The following KLF12 variants were observed in gnomAD, a reference collection of about 807,000 sequenced individuals.
KLF12 encodes KLF transcription factor 12.
KLF12 carries 9 observed loss-of-function variants against 37.8 expected under a neutral mutation model. The ratio of observed to expected loss-of-function variants is 0.24; its 90% confidence interval spans 0.14 to 0.42. The LOEUF (loss-of-function observed/expected upper bound fraction) is 0.42. KLF12 is among the 10% of genes least tolerant of loss of function. The pLI is 1.00. For synonymous variants in KLF12, 208 were observed against 202.1 expected, an observed-to-expected ratio of 1.03 and a Z score of -0.25; for missense variants, 411 against 516.0, an observed-to-expected ratio of 0.80 and a Z score of 1.97.
chr13:73,829,307 C>A (rs543756610), intron 4 of KLF12, among the ~76,000 whole-genome samples: 1 of 152,006 alleles, frequency 6.6e-6, no homozygotes. Context: ...ATCTGGCAGG[C>A]CAAATTTTAT....
chr13:73,742,256 C>T (rs1878054485), intron 6 of KLF12, among the ~76,000 whole-genome samples: 1 of 152,132 alleles, frequency 6.6e-6, no homozygotes, highest in African/African-American at 2.4e-5. Flanking sequence ...GTAGAACATA[C>T]ACTTTTTTTT....
At chr13:73,839,268 T>G (rs1021995492) in intron 4 of KLF12, among the ~76,000 whole-genome samples, 1 of 150,314 alleles carries the variant, frequency 6.7e-6, no homozygotes, top group Non-Finnish European at 1.5e-5. Context: ...ATTTTTTTTT[T>G]TTTTTTGTAT....
intron 3 of KLF12, among the ~76,000 whole-genome samples, chr13:73,917,082 C>G (rs760721988): frequency 6.6e-6 from 1 of 152,154 alleles, no homozygotes; most frequent in Non-Finnish European, 1.5e-5. Context: ...CAAATTTGGA[C>G]GAGCATCACC....
chr13:73,895,586 C>T (rs1887725351), intron 3 of KLF12, among the ~76,000 whole-genome samples: 1 of 152,084 alleles, frequency 6.6e-6, no homozygotes, highest in Admixed American at 6.6e-5. Context: ...ACAAGGGTTA[C>T]AGGGTGAATT....
At chr13:73,795,395 T>G (rs1354668344) in intron 5 of KLF12, among the ~76,000 whole-genome samples, 1 of 152,220 alleles carries the variant, frequency 6.6e-6, no homozygotes, top group African/African-American at 2.4e-5. Context: ...TCTACCTGTC[T>G]CCTCCACAAA....
At chr13:74,060,109 T>C (rs763666640) in intron 1 of KLF12, among the ~76,000 whole-genome samples, 8 of 152,184 alleles carry the variant, frequency 5.3e-5, no homozygotes, top group Admixed American at 1.3e-4. Context: ...TTTTTCTCTA[T>C]TGATCTATGC....
chr13:73,894,311 A>G (rs1887654092), intron 3 of KLF12, among the ~76,000 whole-genome samples: 1 of 152,232 alleles, frequency 6.6e-6, no homozygotes, highest in Non-Finnish European at 1.5e-5. Context: ...GTATATGGGT[A>G]CATATACTTG....
the KLF12 span, among the ~76,000 whole-genome samples, chr13:74,162,663 C>T: frequency 6.6e-6 from 1 of 152,212 alleles, no homozygotes. Context: ...TCTTCCACCT[C>T]CTCAGCATGT....
chr13:73,719,277 A>G (rs1535803), intron 6 of KLF12, among the ~76,000 whole-genome samples: 9,078 of 152,228 alleles, frequency 0.06, 300 homozygotes, highest in South Asian at 0.17. Flanking sequence ...TCCCCAGCAT[A>G]TATCCACAGT....
intron 6 of KLF12, among the ~76,000 whole-genome samples, chr13:73,738,136 C>CACAT (rs1467659490): frequency 3.3e-5 from 3 of 91,768 alleles, no homozygotes; most frequent in African/African-American, 6.6e-5. Flanking sequence ...CACACACACA[C>CACAT]ATATATATAC....
intron 1 of KLF12, among the ~76,000 whole-genome samples, chr13:74,072,364 A>AATATATATAT (rs773653636): frequency 0.05 from 3,138 of 62,422 alleles, 161 homozygotes; most frequent in East Asian, 0.079. Flanking sequence ...AAGAAATACA[A>AATATATATAT]ATATATATAT....
intron 1 of KLF12, among the ~76,000 whole-genome samples, chr13:74,015,802 T>C (rs1322316315): frequency 6.6e-6 from 1 of 152,188 alleles, no homozygotes; most frequent in Non-Finnish European, 1.5e-5. Context: ...CGGGACTCAC[T>C]TATGCTTTCA....
chr13:73,947,372 C>T (rs1452334192), intron 2 of KLF12, among the ~76,000 whole-genome samples: 2 of 152,020 alleles, frequency 1.3e-5, no homozygotes, highest in Non-Finnish European at 2.9e-5. Context: ...TGGCAATGGC[C>T]GGGCGTGGTG....
chr13:73,786,154 C>A (rs960185056), intron 5 of KLF12, among the ~76,000 whole-genome samples: 4 of 152,162 alleles, frequency 2.6e-5, no homozygotes, highest in Non-Finnish European at 4.4e-5. Flanking sequence ...TGGCATCCAG[C>A]TCCAATTAGA....
At chr13:73,776,310 C>T (rs1213394028) in intron 5 of KLF12, among the ~76,000 whole-genome samples, 1 of 152,130 alleles carries the variant, frequency 6.6e-6, no homozygotes, top group Non-Finnish European at 1.5e-5. Context: ...ACTGCCAATA[C>T]TGACAGCCAA....
At chr13:73,960,809 A>C (rs954956157) in intron 2 of KLF12, among the ~76,000 whole-genome samples, 3 of 152,214 alleles carry the variant, frequency 2.0e-5, no homozygotes, top group South Asian at 2.1e-4. Flanking sequence ...CTGTTAACTC[A>C]TCTGAGAATG....
rs190649525 is a variant in KLF12, at chr13:73,986,900, T to C, written c.33+8090A>G. On this transcript the variant is annotated intron_variant, in intron 2 of 7. Coordinates refer to ENST00000377669, the MANE Select transcript of KLF12 (RefSeq NM_007249.5). ...CTTTGAGTTTAGCCCAGTGAGACCATTGGACTTCTGACCACCAGAACTGTA... is the reference window on the plus strand; with the variant it reads ...CTTTGAGTTTAGCCCAGTGAGACCACTGGACTTCTGACCACCAGAACTGTA... 4.0e-3 allele frequency among the ~76,000 whole-genome samples: 605 copies of C among 152,286 alleles called. 3 individuals carry two copies. Among genetic ancestry groups the C allele is most frequent in the Middle Eastern group, 0.01 (3 of 294 alleles).
chr13:73,876,453 A>C (rs1416966100), intron 3 of KLF12, among the ~76,000 whole-genome samples: 1 of 152,210 alleles, frequency 6.6e-6, no homozygotes, highest in Non-Finnish European at 1.5e-5. Flanking sequence ...TCTTAAAGAC[A>C]ATTGTGCCAC....
intron 5 of KLF12, among the ~76,000 whole-genome samples, chr13:73,765,206 A>G (rs1879832280): frequency 6.6e-6 from 1 of 152,094 alleles, no homozygotes; most frequent in Admixed American, 6.6e-5. Flanking sequence ...CACTCTCAAG[A>G]CAACAGGTCT....
Sources: gnomAD v4.1 joint callset for allele counts (sites outside exome capture counted in the v4.1 genomes callset) on GRCh38, gnomAD v4.1.1 for gene constraint, MANE v1.5 for transcripts, NCBI Gene and HGNC (gene_info 2026-07-23, HGNC 2026-07-21) for gene names.